Variants in NIBAN1 observed in about 807,000 individuals in gnomAD.
The protein encoded by NIBAN1 is niban apoptosis regulator 1, also known as protein Niban 1.
Under a neutral mutation model 75.1 loss-of-function variants are expected in NIBAN1, and 81 were observed. The ratio of observed to expected loss-of-function variants is 1.08; its 90% CI spans 0.90 to 1.30. NIBAN1 has a LOEUF of 1.30. NIBAN1 is among the 50% of genes most tolerant of loss of function. The pLI, the probability that NIBAN1 is intolerant of heterozygous loss-of-function variation, is 0.00. For synonymous variants in NIBAN1, 436 were observed against 424.8 expected (o/e 1.03, Z -0.32); for missense variants, 1,133 against 1,128.1 (o/e 1.00, Z -0.06).
At position 184,794,987 on chromosome 1, in the gene NIBAN1, G is replaced by C. The variant is rs769217969; in HGVS notation, c.2777C>G (p.Ser926Ter). 6.2e-7 allele frequency: 1 copy of C among 1,610,002 alleles called. No individual in the cohort carries two copies. The highest frequency in any genetic ancestry group is 8.5e-7 in the Non-Finnish European group (1 of 1,180,012). The change falls in exon 14 of 14, where the codon TCA becomes TGA. Residue 926 changes from serine to a stop codon, truncating the protein, a stop_gained. Coordinates refer to ENST00000367511, the MANE Select transcript of NIBAN1 (RefSeq NM_052966.4). LOFTEE classifies it high-confidence loss of function. ...GCCAAATTGTCCCTTTCACTCCTCTGAGGGCAGCTCTGGGAAACTCTCCTG... is the reference window on the plus strand; with the variant it reads ...GCCAAATTGTCCCTTTCACTCCTCTCAGGGCAGCTCTGGGAAACTCTCCTG... ...GGQESFPELP[S>*]EE
rs953565098 is a variant in NIBAN1, at chr1:184,799,266, C to T, written c.1555-1076G>A. 2.7e-5 allele frequency among the ~76,000 whole-genome samples: 4 copies of T among 149,732 alleles called. No individual in the cohort carries two copies. In the Admixed American group the frequency reaches 2.7e-4, roughly 10 times the overall value. On this transcript the variant is annotated intron_variant, in intron 12 of 13. Coordinates refer to ENST00000367511, the MANE Select transcript of NIBAN1 (RefSeq NM_052966.4). The stretch of plus-strand genomic sequence containing the variant: ...GTCCATGTGTTCTCATTGTTCAATT[C>T]CCACCTATGAGTGAGAATATGCGGT...
intron 5 of NIBAN1, among the ~76,000 whole-genome samples, chr1:184,871,370 A>AG (rs1656105947): frequency 2.8e-5 from 4 of 142,178 alleles, no homozygotes; most frequent in South Asian, 2.3e-4. Context: ...AAAAAAAAAA[A>AG]AAAGAGGAAA....
At chr1:184,860,244 G>A (rs113101925) in intron 5 of NIBAN1, among the ~76,000 whole-genome samples, 17 of 150,392 alleles carry the variant, frequency 1.1e-4, no homozygotes, top group African/African-American at 4.2e-4. Context: ...GCAGGTGGGA[G>A]GAAGCATGCT....
rs541086137 is a variant in NIBAN1, at chr1:184,838,012, G to T, written c.602-6050C>A. Among the ~76,000 whole-genome samples, 10 of 152,106 alleles carry T rather than the reference G, an allele frequency of 6.6e-5. No individual in the cohort carries two copies. In the South Asian group the frequency reaches 2.1e-3, roughly 32 times the overall value. On this transcript the variant is annotated intron_variant, in intron 5 of 13. Transcript: ENST00000367511. ...TCTACAACTGAATACAATAGACTAG[G>T]TATTGTCCGACTGGTGCAAATTATA... is the stretch of plus-strand genomic sequence containing the variant.
At chr1:184,826,193 A>G (rs1023818787) in intron 6 of NIBAN1, among the ~76,000 whole-genome samples, 4 of 152,178 alleles carry the variant, frequency 2.6e-5, no homozygotes, top group African/African-American at 4.8e-5. Context: ...TCATCTGCCA[A>G]GTGGATCTGC....
chr1:184,970,066 G>A (rs573146136), intron 1 of NIBAN1, among the ~76,000 whole-genome samples: 2 of 151,870 alleles, frequency 1.3e-5, no homozygotes, highest in African/African-American at 4.8e-5. Context: ...CTACTAAGGA[G>A]GGTGAGGTGG....
intron 12 of NIBAN1, among the ~76,000 whole-genome samples, chr1:184,801,271 G>T (rs922489954): frequency 6.6e-6 from 1 of 152,138 alleles, no homozygotes; most frequent in Non-Finnish European, 1.5e-5. Flanking sequence ...GGTAATAATG[G>T]GTTCCTTTAT....
chr1:184,974,337 C>T lies in NIBAN1; in HGVS notation c.20G>A (p.Ser7Asn), dbSNP rs1163528077. 6.4e-7 allele frequency: 1 copy of T among 1,565,830 alleles called. No individual in the cohort carries two copies. The highest frequency in any genetic ancestry group is 8.6e-7 in the Non-Finnish European group (1 of 1,162,870). The part of the protein sequence containing the change: MGGSAS[S>N]QLDEGKCAYI... Reference sequence around the variant, plus strand: ...AGCGCACTTGCCCTCGTCCAGCTGGCTGGAGGCTGAGCCGCCCATGACCGC... The same window carrying T: ...AGCGCACTTGCCCTCGTCCAGCTGGTTGGAGGCTGAGCCGCCCATGACCGC... The change falls in exon 1 of 14, where the codon AGC becomes AAC. Residue 7 changes from serine to asparagine, a missense_variant. Physicochemically the swap from Ser to Asn is conservative, Grantham distance 46. Transcript: ENST00000367511.
chr1:184,881,821 A>T (rs1656387422), intron 5 of NIBAN1, among the ~76,000 whole-genome samples: 1 of 152,124 alleles, frequency 6.6e-6, no homozygotes, highest in Non-Finnish European at 1.5e-5. Context: ...CTCTCATTGC[A>T]ATTTTAGTTT....
At chr1:184,909,954 A>G (rs1006693905) in intron 1 of NIBAN1, among the ~76,000 whole-genome samples, 1 of 152,206 alleles carries the variant, frequency 6.6e-6, no homozygotes, top group Non-Finnish European at 1.5e-5. Flanking sequence ...ATGGTACATG[A>G]TGCTCTAAAA....
Position 184,923,722 on chromosome 1 carries a change from T to C in NIBAN1, c.56-24413A>G, listed in dbSNP as rs553747194. ...ATGAACATGGAATATCTTTCCTTTT[T>C]GTGTGTGCCATCTGCAATTTCTTTC... is the stretch of plus-strand genomic sequence containing the variant. On this transcript the variant is annotated intron_variant, in intron 1 of 13. Coordinates refer to ENST00000367511, the MANE Select transcript of NIBAN1 (RefSeq NM_052966.4). 2.6e-4 allele frequency among the ~76,000 whole-genome samples: 39 copies of C among 152,276 alleles called. No individual in the cohort carries two copies. The South Asian group carries it at 5.4e-3, about 21-fold the overall frequency.
chr1:184,795,033 C>T lies in NIBAN1; in HGVS notation c.2731G>A (p.Val911Met), dbSNP rs201437304. 123 of 1,613,562 alleles carry T rather than the reference C, an allele frequency of 7.6e-5. No homozygotes were observed. Among genetic ancestry groups the T allele is most frequent in the African/African-American group, 2.7e-4 (20 of 74,938 alleles). The change falls in exon 14 of 14, where the codon GTG (valine) becomes ATG (methionine). Residue 911 changes from valine to methionine, a missense_variant. Transcript: ENST00000367511. ...PDVLLSHKDD[V>M]KEGEGGQESF... is the part of the protein sequence containing the mutation. ...TCCTGACCACCTTCTCCCTCCTTCA[C>T]GTCATCTTTGTGTGACAGCAGGACA...
rs1447535513 is a variant in NIBAN1 at position 184,799,936 on chromosome 1, G to A, written c.1555-1746C>T. Among the ~76,000 whole-genome samples, 2 of 97,460 alleles carry A rather than the reference G, an allele frequency of 2.1e-5. 1 individual carries two copies. The allele number at this position is 97,460 out of a possible 152,430, so 63.9% of individuals were successfully genotyped here. A position where few individuals can be genotyped will look rare whatever the true frequency, so the allele number is the denominator to read the frequency against. On this transcript the variant is annotated intron_variant, in intron 12 of 13. Coordinates refer to ENST00000367511, the MANE Select transcript of NIBAN1 (RefSeq NM_052966.4). ...AATTTTTTGTATTTTTAGTAGAGAC[G>A]GGGTTTCACCGTGTTAGCCAGGATG...
intron 1 of NIBAN1, among the ~76,000 whole-genome samples, chr1:184,951,941 C>T (rs745314574): frequency 1.5e-4 from 23 of 152,276 alleles, no homozygotes; most frequent in Admixed American, 3.3e-4. Context: ...GGTAATGATA[C>T]CATCTTATTA....
chr1:184,907,096 T>C (rs1353963204), intron 1 of NIBAN1, among the ~76,000 whole-genome samples: 1 of 152,236 alleles, frequency 6.6e-6, no homozygotes, highest in Non-Finnish European at 1.5e-5. Context: ...TGCAAAAAGA[T>C]ACAAAAATCC....
Position 184,890,238 on chromosome 1 carries a change from C to T in NIBAN1, c.319-16G>A. The T allele has an allele frequency of 6.4e-7, 1 of 1,567,400 alleles. No homozygotes were observed. The highest frequency in any genetic ancestry group is 8.8e-7 in the Non-Finnish European group (1 of 1,137,612). On this transcript the variant is annotated splice_polypyrimidine_tract_variant and intron_variant, in intron 3 of 13. Transcript: ENST00000367511. The stretch of plus-strand genomic sequence containing the variant: ...TCTGATAGGCCTGGGGAGGGAAAGG[C>T]ACACAGGAATGATATCTTTTTCCCC...
Position 184,845,799 on chromosome 1 carries a change from T to C in NIBAN1, c.602-13837A>G, listed in dbSNP as rs1460367233. Among the ~76,000 whole-genome samples, 4 of 84,002 alleles carry C rather than the reference T, an allele frequency of 4.8e-5. 1 individual carries two copies. Among genetic ancestry groups the C allele is most frequent in the Non-Finnish European group, 9.5e-5 (4 of 41,922 alleles). 55.1% of individuals were successfully genotyped at this position (84,002 alleles called of 152,430 possible). On this transcript the variant is annotated intron_variant, in intron 5 of 13. Transcript: ENST00000367511. Reference sequence around the variant, plus strand: ...GCGCGAGCCGAAGCAGGGCGAGGCATTGCCTCACCTGGGAAGCGCAAGGGG... The same window carrying C: ...GCGCGAGCCGAAGCAGGGCGAGGCACTGCCTCACCTGGGAAGCGCAAGGGG...
chr1:184,940,344 T>C (rs1658060249), intron 1 of NIBAN1, among the ~76,000 whole-genome samples: 1 of 152,172 alleles, frequency 6.6e-6, no homozygotes, highest in Non-Finnish European at 1.5e-5. Flanking sequence ...TGATTGTAAA[T>C]GGTAGCAAGG....
At chr1:184,910,481 T>G (rs1025911472) in intron 1 of NIBAN1, among the ~76,000 whole-genome samples, 1 of 152,216 alleles carries the variant, frequency 6.6e-6, no homozygotes. Context: ...AAAAAACTTT[T>G]TTAAAGATTA....
Sources: allele counts gnomAD v4.1 joint callset (sites outside exome capture counted in the v4.1 genomes callset), GRCh38; gene constraint gnomAD v4.1.1; transcripts MANE v1.5; gene names NCBI Gene and HGNC (gene_info 2026-07-23, HGNC 2026-07-21).